Variants in CD300C observed in about 807,000 individuals in gnomAD.
CD300C encodes the protein CMRF35-like molecule 6.
CD300C carries 11 observed loss-of-function variants against 18.4 expected under a neutral mutation model. The observed-to-expected ratio is 0.60, with a 90% CI of 0.38 to 0.99. The LOEUF is 0.99. CD300C is among the 50% of genes least tolerant of loss of function. CD300C has a pLI of 0.01. For missense variants in CD300C, 277 were observed against 287.4 expected (o/e 0.96, Z 0.26); for synonymous variants, 116 against 116.3 (o/e 1.00, Z 0.02).
chr17:74,539,763 C>A (rs115394069), downstream of CD300C, among the ~76,000 whole-genome samples: 1,357 of 152,308 alleles, frequency 8.9e-3, 17 homozygotes, highest in African/African-American at 0.031. Context: ...GTTCCTTGAC[C>A]TTCCTGGGTT....
At chr17:74,540,639 G>C (rs541503057), downstream of CD300C, among the ~76,000 whole-genome samples, 2 of 152,192 alleles carry the variant, frequency 1.3e-5, no homozygotes, top group Non-Finnish European at 2.9e-5. Flanking sequence ...TCATCATGGC[G>C]ACCCTGGAAC....
rs993720305 is a variant in CD300C, at chr17:74,543,968, T to C, written c.400+641A>G. Among the ~76,000 whole-genome samples, 7 of 152,228 alleles carry C rather than the reference T, an allele frequency of 4.6e-5. 1 individual carries two copies. The highest frequency in any genetic ancestry group is 3.9e-4 in the East Asian group (2 of 5,176). ...ACACAGGTCAGCCTCAGGGGCAGGA[T>C]GTGGTTCCCAGGAGCATGAGAACCC... On this transcript the variant is annotated intron_variant, in intron 2 of 3. Transcript: ENST00000330793.
intron 3 of CD300C, 150 bp from the exon 4 acceptor site, chr17:74,541,886 G>C (rs1441469515): frequency 2.5e-6 from 2 of 788,094 alleles, no homozygotes; most frequent in South Asian, 1.8e-5. Flanking sequence ...TCAGCATCAC[G>C]GCCCCTAACC....
chr17:74,545,334 ATGTG>A (rs969857213), intron 1 of CD300C, among the ~76,000 whole-genome samples: 89 of 139,760 alleles, frequency 6.4e-4, no homozygotes, highest in African/African-American at 2.3e-3. Flanking sequence ...GACTGTGTGC[ATGTG>A]TGTGTGAGAC....
At chr17:74,545,452 G>A (rs1908727239) in intron 1 of CD300C, among the ~76,000 whole-genome samples, 1 of 152,110 alleles carries the variant, frequency 6.6e-6, no homozygotes, top group Admixed American at 6.6e-5. Context: ...TAAAATTTGT[G>A]ATTGGATAAC....
intron 2 of CD300C, 112 bp downstream of exon 2, chr17:74,544,497 C>A: frequency 8.5e-7 from 1 of 1,178,658 alleles, no homozygotes; most frequent in Non-Finnish European, 1.2e-6. Context: ...ACACAGTGTC[C>A]TGACTCACCA....
At chr17:74,539,626 G>A (rs1019395838), downstream of CD300C, among the ~76,000 whole-genome samples, 2 of 152,138 alleles carry the variant, frequency 1.3e-5, no homozygotes, top group East Asian at 1.9e-4. Flanking sequence ...CCTATCACCC[G>A]GCAAGTGGCT....
downstream of CD300C, among the ~76,000 whole-genome samples, chr17:74,539,202 G>T (rs2143129783): frequency 6.6e-6 from 1 of 152,282 alleles, no homozygotes; most frequent in East Asian, 1.9e-4. Flanking sequence ...AGCGGAGAGT[G>T]ACAGGGGAAT....
intron 1 of CD300C, among the ~76,000 whole-genome samples, chr17:74,545,351 TGTGA>T (rs1165626705): frequency 1.3e-5 from 2 of 151,682 alleles, no homozygotes; most frequent in Non-Finnish European, 2.9e-5. Flanking sequence ...TGTGAGACTG[TGTGA>T]GTGTGACTGT....
intron 2 of CD300C, among the ~76,000 whole-genome samples, chr17:74,543,608 C>T (rs867685011): frequency 1.8e-4 from 28 of 152,146 alleles, no homozygotes; most frequent in African/African-American, 6.3e-4. Flanking sequence ...CTGGCGCCCT[C>T]AGGTGGGATC....
chr17:74,539,225 G>A (rs1426378412), downstream of CD300C, among the ~76,000 whole-genome samples: 1 of 152,150 alleles, frequency 6.6e-6, no homozygotes, highest in Non-Finnish European at 1.5e-5. Flanking sequence ...TGGTGGACCT[G>A]GCACCATGAA....
In CD300C at chr17:74,545,881, T is replaced by G; in HGVS notation, c.-99A>C. On this transcript the variant is annotated 5_prime_UTR_variant, in exon 1 of 4. Coordinates refer to ENST00000330793, the MANE Select transcript of CD300C (RefSeq NM_006678.5). ...ATCTGAGCTTCGCTTCTGCTTTTCT[T>G]CTGCTCTCTGCTTCCTTGTCCAGCC... is the stretch of plus-strand genomic sequence containing the variant. 1.0e-6 allele frequency: 1 copy of G among 970,054 alleles called. No individual in the cohort carries two copies. Among genetic ancestry groups the G allele is most frequent in the Non-Finnish European group, 1.6e-6 (1 of 631,236 alleles). 60.1% of individuals were successfully genotyped at this position (970,054 alleles called of 1,614,324 possible). A position where few individuals can be genotyped will look rare whatever the true frequency, so the allele number is the denominator to read the frequency against.
chr17:74,539,793 G>A (rs573592009), downstream of CD300C, among the ~76,000 whole-genome samples: 26 of 152,238 alleles, frequency 1.7e-4, no homozygotes, highest in African/African-American at 4.6e-4. Flanking sequence ...TCCTTTTTAG[G>A]GGTCCTCATG....
Position 74,541,656 on chromosome 17 carries a change from A to C in CD300C, c.608T>G (p.Leu203Arg). ...GCTTCTCTGAGGTCTGTTCACCCAG[A>C]GGACGGCACCCAGCATGCTCAGGAG... is the stretch of plus-strand genomic sequence containing the variant. ...PLLLSMLGAVLWVNRPQRSSR... is the reference protein window; with the variant it reads ...PLLLSMLGAVRWVNRPQRSSR... The change falls in exon 4 of 4, where the codon CTC becomes CGC. Residue 203 changes from leucine (L) to arginine (R), a missense_variant. Leu to Arg is a moderately radical substitution (Grantham distance 102). Coordinates refer to ENST00000330793, the MANE Select transcript of CD300C (RefSeq NM_006678.5). 1 of 1,614,056 alleles carries C rather than the reference A, an allele frequency of 6.2e-7. No homozygotes were observed.
At chr17:74,544,570 G>C in intron 2 of CD300C, 39 bp downstream of exon 2, 2 of 1,578,908 alleles carry the variant, frequency 1.3e-6, no homozygotes, top group Non-Finnish European at 1.7e-6. Context: ...CCAGCCCTAG[G>C]CTCAGGCAGG....
chr17:74,542,072 T>C (rs1292300458), intron 3 of CD300C, among the ~76,000 whole-genome samples: 1 of 152,066 alleles, frequency 6.6e-6, no homozygotes, highest in Non-Finnish European at 1.5e-5. Context: ...CACAAAGGGT[T>C]ATTTGTTTGG....
intron 1 of CD300C, among the ~76,000 whole-genome samples, chr17:74,545,263 T>C (rs994051638): frequency 1.3e-5 from 2 of 151,786 alleles, no homozygotes; most frequent in African/African-American, 4.8e-5. Flanking sequence ...TGTGACTGTG[T>C]GTGACTGTGT....
rs780450980 is a variant in CD300C, at chr17:74,542,968, G to T, written c.420C>A (p.Ser140=). The T allele has an allele frequency of 6.2e-7, 1 of 1,613,702 alleles. No homozygotes were observed. ...SVFPAGTTTA[S]SPQSSMGTSG... ...AGGTGCCCATGGAGCTCTGGGGGCTGGAGGCTGTGGTCGTCCCGGCTGTGG... is the reference window on the plus strand; with the variant it reads ...AGGTGCCCATGGAGCTCTGGGGGCTTGAGGCTGTGGTCGTCCCGGCTGTGG... The change falls in exon 3 of 4, where the codon TCC becomes TCA. Residue 140 remains serine (S), a synonymous_variant. Transcript: ENST00000330793.
downstream of CD300C, among the ~76,000 whole-genome samples, chr17:74,536,911 T>C (rs1179098471): frequency 6.6e-6 from 1 of 151,006 alleles, no homozygotes; most frequent in Non-Finnish European, 1.5e-5. Flanking sequence ...TATATGTTCA[T>C]AATAACGTTA....
Sources: allele counts gnomAD v4.1 joint callset (sites outside exome capture counted in the v4.1 genomes callset), GRCh38; gene constraint gnomAD v4.1.1; transcripts MANE v1.5; gene names NCBI Gene and HGNC (gene_info 2026-07-23, HGNC 2026-07-21).